Variants in SDK1 observed in about 807,000 individuals in gnomAD.
SDK1 encodes sidekick cell adhesion molecule 1.
In SDK1, 157 loss-of-function variants were observed where a neutral mutation model predicts 245.5. The observed-to-expected ratio is 0.64, with a 90% CI of 0.56 to 0.73. SDK1 has a LOEUF of 0.73. Among genes scored for constraint, SDK1 ranks in the 30% least tolerant of loss-of-function variants. The pLI is 0.00. For missense variants in SDK1, 3,583 were observed against 3,002.3 expected, an observed-to-expected ratio of 1.19 and a Z score of -4.52; for synonymous variants, 1,647 against 1,278.5, an observed-to-expected ratio of 1.29 and a Z score of -6.15.
intron 7 of SDK1, among the ~76,000 whole-genome samples, chr7:3,957,238 C>T (rs1039391193): frequency 3.3e-5 from 5 of 152,160 alleles, no homozygotes; most frequent in East Asian, 1.9e-4. Flanking sequence ...GACCTACACA[C>T]GTAATAATGT....
intron 5 of SDK1, among the ~76,000 whole-genome samples, chr7:3,917,291 A>T (rs1276462526): frequency 6.6e-6 from 1 of 152,174 alleles, no homozygotes; most frequent in Non-Finnish European, 1.5e-5. Context: ...CACTTAGCTA[A>T]TATTTATTGA....
chr7:3,655,556 C>T (rs532396015), intron 4 of SDK1, among the ~76,000 whole-genome samples: 1 of 135,862 alleles, frequency 7.4e-6, no homozygotes, highest in South Asian at 2.3e-4. Context: ...CTATGGCTGT[C>T]TTATATATCT....
Position 3,607,607 on chromosome 7 carries a change from A to C in SDK1, c.299-11473A>C, listed in dbSNP as rs187294907. Among the ~76,000 whole-genome samples, 31 of 152,352 alleles carry C rather than the reference A, an allele frequency of 2.0e-4. No individual in the cohort carries two copies. In the East Asian group the frequency reaches 6.0e-3, roughly 29 times the overall value. On this transcript the variant is annotated intron_variant, in intron 1 of 44. Coordinates refer to ENST00000404826, the MANE Select transcript of SDK1 (RefSeq NM_152744.4). ...CTAGACTTCTCTAGAATTCTGAAGT[A>C]ATTGAAAGTATGAATGCTTTCTTTT... is the stretch of plus-strand genomic sequence containing the variant.
intron 4 of SDK1, among the ~76,000 whole-genome samples, chr7:3,653,315 G>C (rs745608959): frequency 9.9e-5 from 15 of 152,136 alleles, no homozygotes; most frequent in Non-Finnish European, 1.8e-4. Context: ...AGCTGTTGTA[G>C]GCGTTCTGTT....
chr7:3,967,468 C>A, intron 10 of SDK1, 34 bp downstream of exon 10: 2 of 1,303,664 alleles, frequency 1.5e-6, no homozygotes, highest in Non-Finnish European at 1.1e-6. Context: ...ACAGCATGGC[C>A]CATGTAGAAC....
At chr7:3,798,889 T>C (rs1245660167) in intron 4 of SDK1, among the ~76,000 whole-genome samples, 6 of 152,220 alleles carry the variant, frequency 3.9e-5, no homozygotes, top group Non-Finnish European at 8.8e-5. Context: ...CTGCTTTTCT[T>C]TGAAGTTGTG....
At chr7:3,902,515 C>G (rs186924618) in intron 5 of SDK1, among the ~76,000 whole-genome samples, 3 of 152,258 alleles carry the variant, frequency 2.0e-5, no homozygotes, top group Admixed American at 6.5e-5. Flanking sequence ...ATATTGAGTT[C>G]TAAACTTTCT....
intron 40 of SDK1, among the ~76,000 whole-genome samples, chr7:4,232,336 T>C (rs1785829162): frequency 6.6e-6 from 1 of 151,178 alleles, no homozygotes; most frequent in African/African-American, 2.4e-5. Context: ...TCAGCCCTGA[T>C]GCTATAGTGT....
chr7:3,779,970 G>T (rs964432565), intron 4 of SDK1, among the ~76,000 whole-genome samples: 2 of 150,734 alleles, frequency 1.3e-5, no homozygotes, highest in Admixed American at 6.6e-5. Context: ...AAGATGATGA[G>T]CATGATGTCA....
intron 32 of SDK1, among the ~76,000 whole-genome samples, chr7:4,162,271 G>A (rs1043778141): frequency 6.6e-6 from 1 of 152,080 alleles, no homozygotes; most frequent in Non-Finnish European, 1.5e-5. Flanking sequence ...AGCTTTTCTA[G>A]AGAAGTCATC....
intron 1 of SDK1, among the ~76,000 whole-genome samples, chr7:3,382,564 C>A (rs1781514208): frequency 6.6e-6 from 1 of 152,140 alleles, no homozygotes; most frequent in African/African-American, 2.4e-5. Flanking sequence ...GTTTTGATTG[C>A]CATAATCTGT....
intron 20 of SDK1, among the ~76,000 whole-genome samples, chr7:4,070,913 T>C (rs917392371): frequency 6.6e-6 from 1 of 151,438 alleles, no homozygotes; most frequent in African/African-American, 2.4e-5. Flanking sequence ...GGTTTCACCA[T>C]GTTAGCCAGG....
intron 5 of SDK1, among the ~76,000 whole-genome samples, chr7:3,945,899 TAAAAAAAAAAAAA>T (rs754101246): frequency 0.12 from 1,708 of 13,668 alleles, 86 homozygotes; most frequent in African/African-American, 0.27. Context: ...ACTCTGTCTG[TAAAAAAAAAAAAA>T]AAAAAAAAAA....
At chr7:3,367,863 G>T (rs904695695) in intron 1 of SDK1, among the ~76,000 whole-genome samples, 6 of 152,152 alleles carry the variant, frequency 3.9e-5, no homozygotes, top group Admixed American at 2.0e-4. Context: ...TAACAAAATT[G>T]CAGTTTAAAA....
At chr7:3,889,149 A>G (rs1438655264) in intron 5 of SDK1, among the ~76,000 whole-genome samples, 2 of 152,360 alleles carry the variant, frequency 1.3e-5, no homozygotes, top group South Asian at 2.1e-4. Flanking sequence ...ACTGAAAGTG[A>G]TATCTAATCA....
At position 4,014,049 on chromosome 7, in the gene SDK1, CT is replaced by C. The variant is rs547177354; in HGVS notation, c.2420+1815del. 1.0e-3 allele frequency among the ~76,000 whole-genome samples: 157 copies of C among 152,376 alleles called. 1 individual carries two copies. Among genetic ancestry groups the C allele is most frequent in the Non-Finnish European group, 1.9e-3 (132 of 68,044 alleles). ...CCTGCCTTAGCCATTACCTCTCATT[CT>C]GCACCCATCCACTAATGAGAATAAT... On this transcript the variant is annotated intron_variant, in intron 16 of 44. Transcript: ENST00000404826.
chr7:3,423,758 A>G (rs576317869), intron 1 of SDK1, among the ~76,000 whole-genome samples: 2 of 152,174 alleles, frequency 1.3e-5, no homozygotes, highest in African/African-American at 4.8e-5. Context: ...GACAAATACC[A>G]TATCAGTTTC....
At chr7:4,129,676 C>T (rs1784660198) in intron 26 of SDK1, 1 of 1,385,372 alleles carries the variant, frequency 7.2e-7, no homozygotes, top group Admixed American at 3.3e-5. Flanking sequence ...AGCAGGCTCG[C>T]CAAGCCGTGG....
chr7:3,825,516 C>A (rs948709632), intron 5 of SDK1, among the ~76,000 whole-genome samples: 13 of 152,172 alleles, frequency 8.5e-5, no homozygotes, highest in Non-Finnish European at 8.8e-5. Flanking sequence ...CTCTCTCCTT[C>A]CTGTTTTTTT....
Sources: gnomAD v4.1 joint callset for allele counts (sites outside exome capture counted in the v4.1 genomes callset) on GRCh38, gnomAD v4.1.1 for gene constraint, MANE v1.5 for transcripts, NCBI Gene and HGNC (gene_info 2026-07-23, HGNC 2026-07-21) for gene names.